Variants in DLG2 observed in about 807,000 individuals in gnomAD.
DLG2 encodes the protein discs large MAGUK scaffold protein 2, also known as disks large homolog 2.
Under a neutral mutation model 132.5 loss-of-function variants are expected in DLG2, and 45 were observed. The observed-to-expected ratio is 0.34, with a 90% confidence interval of 0.27 to 0.44. The LOEUF (loss-of-function observed/expected upper bound fraction) is 0.44. Among genes scored for constraint, DLG2 ranks in the 20% least tolerant of loss-of-function variants. The pLI, the probability that DLG2 is intolerant of heterozygous loss-of-function variation, is 1.00. For missense variants in DLG2, 1,045 were observed against 1,196.9 expected (o/e 0.87, Z 1.87); for synonymous variants, 424 against 419.6 (o/e 1.01, Z -0.13).
chr11:83,965,855 C>T (rs1463280979), intron 12 of DLG2, among the ~76,000 whole-genome samples: 1 of 151,814 alleles, frequency 6.6e-6, no homozygotes, highest in East Asian at 1.9e-4. Context: ...AGATATATTG[C>T]CTTAAACAAT....
chr11:84,273,726 A>G (rs1376356845), intron 7 of DLG2, among the ~76,000 whole-genome samples: 4 of 152,226 alleles, frequency 2.6e-5, no homozygotes, highest in Non-Finnish European at 4.4e-5. Flanking sequence ...TACAGATGTC[A>G]GCACTTGTTT....
intron 6 of DLG2, among the ~76,000 whole-genome samples, chr11:84,934,008 C>T (rs538393997): frequency 6.6e-6 from 1 of 152,212 alleles, no homozygotes; most frequent in South Asian, 2.1e-4. Context: ...TTTGTTCTAC[C>T]TGGCTCTTAT....
At chr11:84,253,227 C>T (rs1024572442) in intron 7 of DLG2, among the ~76,000 whole-genome samples, 6 of 152,108 alleles carry the variant, frequency 3.9e-5, no homozygotes, top group Admixed American at 3.9e-4. Context: ...GGTCTGCAGT[C>T]AGAAGACATG....
intron 18 of DLG2, among the ~76,000 whole-genome samples, chr11:83,654,939 G>A (rs748945465): frequency 5.3e-5 from 8 of 152,204 alleles, no homozygotes; most frequent in Non-Finnish European, 8.8e-5. Flanking sequence ...CAGGACAAGA[G>A]AAACAACTAT....
chr11:85,147,134 T>C (rs114942437), intron 5 of DLG2, among the ~76,000 whole-genome samples: 119 of 152,348 alleles, frequency 7.8e-4, no homozygotes, highest in African/African-American at 2.7e-3. Context: ...TCCTACCTTC[T>C]TTAGTGTCTC....
chr11:84,342,326 C>T (rs996687437), intron 7 of DLG2, among the ~76,000 whole-genome samples: 8 of 152,212 alleles, frequency 5.3e-5, no homozygotes, highest in African/African-American at 1.9e-4. Flanking sequence ...AAAGTAAGTA[C>T]TAATACAGCA....
intron 3 of DLG2, among the ~76,000 whole-genome samples, chr11:85,418,183 C>A (rs1003614629): frequency 6.6e-6 from 1 of 152,066 alleles, no homozygotes; most frequent in African/African-American, 2.4e-5. Flanking sequence ...TTTATTTCTG[C>A]CTTAATTTTG....
intron 6 of DLG2, among the ~76,000 whole-genome samples, chr11:84,734,870 G>A (rs1329886709): frequency 6.6e-6 from 1 of 152,100 alleles, no homozygotes; most frequent in African/African-American, 2.4e-5. Context: ...TTTGTCAAAG[G>A]CCTTTTCTGC....
At chr11:83,488,160 G>A (rs549433266) in intron 21 of DLG2, among the ~76,000 whole-genome samples, 2 of 151,970 alleles carry the variant, frequency 1.3e-5, no homozygotes, top group South Asian at 2.1e-4. Flanking sequence ...AATTGTAGCC[G>A]GTTTCTAATT....
intron 6 of DLG2, among the ~76,000 whole-genome samples, chr11:84,965,162 T>C (rs888937731): frequency 1.3e-5 from 2 of 152,152 alleles, no homozygotes; most frequent in Non-Finnish European, 1.5e-5. Context: ...TTTCCCAGTA[T>C]GTTCTGTATC....
chr11:85,038,024 C>A (rs939770424), intron 6 of DLG2, among the ~76,000 whole-genome samples: 1 of 152,008 alleles, frequency 6.6e-6, no homozygotes, highest in South Asian at 2.1e-4. Flanking sequence ...GAATCTGGGT[C>A]CCCTTACTTG....
chr11:84,079,661 A>C (rs2096876844), intron 10 of DLG2, among the ~76,000 whole-genome samples: 1 of 152,178 alleles, frequency 6.6e-6, no homozygotes. Flanking sequence ...AGTGATTTTT[A>C]TAGATAACAA....
intron 6 of DLG2, among the ~76,000 whole-genome samples, chr11:85,096,753 C>A (rs897503057): frequency 6.6e-6 from 1 of 152,144 alleles, no homozygotes; most frequent in East Asian, 1.9e-4. Flanking sequence ...AGACCCTTTT[C>A]GCTTGCCATT....
rs1466649807 is a variant in DLG2, at chr11:85,191,160, GCGCACACACACA to G, written c.187-36521_187-36510del. 1.9e-4 allele frequency among the ~76,000 whole-genome samples: 19 copies of G among 101,172 alleles called. 1 individual carries two copies. Among genetic ancestry groups the G allele is most frequent in the African/African-American group, 6.6e-4 (15 of 22,872 alleles). The allele number at this position is 101,172 out of a possible 152,430, so 66.4% of individuals were successfully genotyped here. ...TATATGCATGCGCGCGCGCGCACGC[GCGCACACACACA>G]CACACACACACACACACACACACAC... is the stretch of plus-strand genomic sequence containing the variant. On this transcript the variant is annotated intron_variant, in intron 4 of 27. Transcript: ENST00000376104.
rs556521579 is a variant in DLG2, at chr11:84,822,419, G to C, written c.358-287688C>G. On this transcript the variant is annotated intron_variant, in intron 6 of 27. Transcript: ENST00000376104. ...GAGTATGAATAATTAATTAGATAAG[G>C]ATTGTGAAAGTGGTTTAAATGTGAT... 4.0e-5 allele frequency among the ~76,000 whole-genome samples: 6 copies of C among 151,852 alleles called. No individual in the cohort carries two copies. In the East Asian group the frequency reaches 9.8e-4, roughly 25 times the overall value.
At chr11:85,618,238 T>C (rs2081469385) in intron 2 of DLG2, among the ~76,000 whole-genome samples, 1 of 152,140 alleles carries the variant, frequency 6.6e-6, no homozygotes, top group Admixed American at 6.5e-5. Context: ...TGGGCAAGAA[T>C]TGTAGCTGGA....
chr11:85,119,650 A>G (rs2074075502), intron 5 of DLG2, among the ~76,000 whole-genome samples: 1 of 152,024 alleles, frequency 6.6e-6, no homozygotes, highest in South Asian at 2.1e-4. Flanking sequence ...TCATGGAAAC[A>G]TAAAAGACTG....
chr11:84,944,976 G>A (rs1436526885), intron 6 of DLG2, among the ~76,000 whole-genome samples: 1 of 152,170 alleles, frequency 6.6e-6, no homozygotes. Context: ...CCTCAAAACA[G>A]CTATTTTGAA....
intron 11 of DLG2, among the ~76,000 whole-genome samples, chr11:83,984,710 T>C (rs2093111273): frequency 6.6e-6 from 1 of 152,114 alleles, no homozygotes; most frequent in African/African-American, 2.4e-5. Context: ...TTAGTTGTTA[T>C]GGATACATAA....
Sources: allele counts gnomAD v4.1 joint callset (sites outside exome capture counted in the v4.1 genomes callset), GRCh38; gene constraint gnomAD v4.1.1; transcripts MANE v1.5; gene names NCBI Gene and HGNC (gene_info 2026-07-23, HGNC 2026-07-21).